The following GLIS3 variants were observed in gnomAD, a reference collection of about 807,000 sequenced individuals.
The protein encoded by GLIS3 is zinc finger protein GLIS3.
In GLIS3, 53 loss-of-function variants were observed where a neutral mutation model predicts 78.6. That is an observed-to-expected ratio of 0.67 (90% CI 0.54 to 0.85). GLIS3 has a LOEUF of 0.85. GLIS3 is among the 40% of genes least tolerant of loss of function. The pLI, the probability that GLIS3 is intolerant of heterozygous loss-of-function variation, is 0.00. For synonymous variants in GLIS3, 684 were observed against 509.9 expected (o/e 1.34, Z -4.60); for missense variants, 1,703 against 1,231.1 (o/e 1.38, Z -5.74).
At chr9:4,423,710 G>C in the GLIS3 span, among the ~76,000 whole-genome samples, 4 of 152,272 alleles carry the variant, frequency 2.6e-5, no homozygotes, top group African/African-American at 9.6e-5. Flanking sequence ...AATGCCATAA[G>C]GGGTACATGG....
the GLIS3 span, among the ~76,000 whole-genome samples, chr9:4,454,150 TAAA>T: frequency 4.6e-3 from 587 of 128,804 alleles, 3 homozygotes; most frequent in African/African-American, 0.014. Context: ...TATATGATGA[TAAA>T]AAAAAAAAAA....
At chr9:4,012,015 C>T (rs887713658) in intron 4 of GLIS3, among the ~76,000 whole-genome samples, 3 of 152,008 alleles carry the variant, frequency 2.0e-5, no homozygotes, top group African/African-American at 7.3e-5. Flanking sequence ...ATCTTTCTTC[C>T]GTTTGCAGAA....
rs1587108529 is a variant in GLIS3, at chr9:4,240,887, T to C, written c.388+45151A>G. Among the ~76,000 whole-genome samples the C allele has an allele frequency of 2.0e-5, 3 of 152,062 alleles. No homozygotes were observed. The South Asian group carries it at 6.2e-4, about 32-fold the overall frequency. On this transcript the variant is annotated intron_variant, in intron 2 of 10. Transcript: ENST00000381971. ...TTAAAAAGTGAAATAAAACTCCATA[T>C]AAATAAAAATTAATGACACAGGAGG...
Position 3,829,405 on chromosome 9 carries a change from A to T in GLIS3, c.2561T>A (p.Val854Glu). 6.2e-7 allele frequency: 1 copy of T among 1,614,126 alleles called. No homozygotes were observed. Among genetic ancestry groups the T allele is most frequent in the South Asian group, 1.1e-5 (1 of 91,090 alleles). ...IVPPVSSCSV[V>E]PSFEDCLVPT... is the part of the protein sequence containing the mutation. ...GACTAGGCAGTCCTCAAACGAAGGC[A>T]CCACACTGCAGGAGCTGACAGGCGG... Residue 854 changes from valine to glutamate, a missense_variant, in exon 10 of 11, where the codon GTG (valine) becomes GAG (glutamate). Coordinates refer to ENST00000381971, the MANE Select transcript of GLIS3 (RefSeq NM_001042413.2).
At chr9:3,851,138 G>A (rs10758497) in intron 9 of GLIS3, among the ~76,000 whole-genome samples, 113,363 of 152,086 alleles carry the variant, frequency 0.75, 42,962 homozygotes, top group Non-Finnish European at 0.82. Flanking sequence ...AGGAATTCTC[G>A]TGGCATGCTG....
chr9:4,122,557 G>A (rs938905882), intron 3 of GLIS3, among the ~76,000 whole-genome samples: 3 of 152,122 alleles, frequency 2.0e-5, no homozygotes, highest in Non-Finnish European at 2.9e-5. Flanking sequence ...AATGACATTC[G>A]GTGATGGCTG....
intron 2 of GLIS3, among the ~76,000 whole-genome samples, chr9:4,324,751 T>C (rs543269957): frequency 2.0e-5 from 3 of 152,344 alleles, no homozygotes; most frequent in Admixed American, 2.0e-4. Context: ...AATCACTTGA[T>C]TTGCTTTGTA....
intron 4 of GLIS3, among the ~76,000 whole-genome samples, chr9:4,076,594 C>G (rs1828076921): frequency 6.6e-6 from 1 of 152,184 alleles, no homozygotes; most frequent in South Asian, 2.1e-4. Context: ...CTCTCCACCT[C>G]AAAATAGCCA....
At chr9:4,272,620 A>C (rs918180005) in intron 2 of GLIS3, among the ~76,000 whole-genome samples, 2 of 152,252 alleles carry the variant, frequency 1.3e-5, no homozygotes, top group Non-Finnish European at 2.9e-5. Flanking sequence ...AAAATGCTAC[A>C]TAATTGCTAG....
rs1307919915 is a variant in GLIS3, at chr9:3,828,404, A to G, written c.2661T>C (p.Tyr887=). The G allele has an allele frequency of 6.2e-7, 1 of 1,613,134 alleles. No individual in the cohort carries two copies. Among genetic ancestry groups the G allele is most frequent in the South Asian group, 1.1e-5 (1 of 91,034 alleles). ...GGCTCGAGGAACTTGAAGGTAAATC[A>G]TACACTGGAAGAGAAAGAACGCAGT... The part of the protein sequence containing the change: ...AFSTHSGITV[Y]DLPSSSSSLF... Residue 887 remains tyrosine (Y), a synonymous_variant, in exon 11 of 11, where the codon TAT becomes TAC. Coordinates refer to ENST00000381971, the MANE Select transcript of GLIS3 (RefSeq NM_001042413.2).
the GLIS3 span, among the ~76,000 whole-genome samples, chr9:4,452,437 C>G: frequency 6.6e-6 from 1 of 152,112 alleles, no homozygotes; most frequent in African/African-American, 2.4e-5. Context: ...CTGTCTCAGC[C>G]CCAAACCTCC....
chr9:4,418,874 G>C, the GLIS3 span, among the ~76,000 whole-genome samples: 1 of 152,168 alleles, frequency 6.6e-6, no homozygotes, highest in Non-Finnish European at 1.5e-5. Flanking sequence ...TGTGAGCCAG[G>C]ACAGGGGATG....
chr9:4,196,213 G>T (rs1263836342), intron 2 of GLIS3, among the ~76,000 whole-genome samples: 1 of 152,200 alleles, frequency 6.6e-6, no homozygotes, highest in South Asian at 2.1e-4. Context: ...GCACCAATCA[G>T]CACTCTGTAT....
intron 4 of GLIS3, among the ~76,000 whole-genome samples, chr9:4,043,423 T>A (rs146620253): frequency 1.3e-5 from 2 of 152,230 alleles, no homozygotes; most frequent in Non-Finnish European, 2.9e-5. Flanking sequence ...CTGATTGAGC[T>A]GTGGTAGGAT....
chr9:4,080,092 A>C (rs1380618788), intron 4 of GLIS3, among the ~76,000 whole-genome samples: 1 of 152,236 alleles, frequency 6.6e-6, no homozygotes, highest in Non-Finnish European at 1.5e-5. Flanking sequence ...TGTCAAATTC[A>C]ATGACTAACT....
intron 4 of GLIS3, among the ~76,000 whole-genome samples, chr9:4,089,305 A>G (rs1829298843): frequency 6.6e-6 from 1 of 152,184 alleles, no homozygotes; most frequent in South Asian, 2.1e-4. Flanking sequence ...AAACTGAAAA[A>G]TGAAGATGTC....
chr9:4,203,003 C>A (rs780148639), intron 2 of GLIS3, among the ~76,000 whole-genome samples: 54 of 152,088 alleles, frequency 3.6e-4, no homozygotes, highest in African/African-American at 1.2e-3. Context: ...AACTTCTATA[C>A]GGCAAAAGAA....
At chr9:4,051,472 A>C (rs917019929) in intron 4 of GLIS3, among the ~76,000 whole-genome samples, 12 of 152,182 alleles carry the variant, frequency 7.9e-5, no homozygotes, top group African/African-American at 2.9e-4. Flanking sequence ...CATCCCTTGA[A>C]AAATGTAGCC....
chr9:4,238,839 A>G (rs944432476), intron 2 of GLIS3, among the ~76,000 whole-genome samples: 2 of 152,112 alleles, frequency 1.3e-5, no homozygotes, highest in Non-Finnish European at 2.9e-5. Flanking sequence ...GACTTTTGAA[A>G]TGACCAGCAG....
Sources: gnomAD v4.1 joint callset for allele counts (sites outside exome capture counted in the v4.1 genomes callset) on GRCh38, gnomAD v4.1.1 for gene constraint, MANE v1.5 for transcripts, NCBI Gene and HGNC (gene_info 2026-07-23, HGNC 2026-07-21) for gene names.